Variants in THBS2 observed in about 807,000 individuals in gnomAD.
THBS2 encodes the protein thrombospondin 2.
In THBS2, 47 loss-of-function variants were observed where a neutral mutation model predicts 135.2. The observed-to-expected ratio is 0.35, with a 90% confidence interval of 0.28 to 0.44. The LOEUF (loss-of-function observed/expected upper bound fraction) is 0.44. THBS2 is among the 20% of genes least tolerant of loss of function. The probability of loss-of-function intolerance (pLI) is 1.00; values close to 1 mark genes in which losing one functional copy is unlikely to be tolerated. For synonymous variants in THBS2, 639 were observed against 633.8 expected (o/e 1.01, Z -0.12); for missense variants, 1,288 against 1,603.1 (o/e 0.80, Z 3.36).
chr6:169,248,401 T>C lies in THBS2; in HGVS notation c.609+16A>G, dbSNP rs1389034164. 1.9e-6 allele frequency: 3 copies of C among 1,588,112 alleles called. No individual in the cohort carries two copies. The highest frequency in any genetic ancestry group is 1.1e-5 in the South Asian group (1 of 89,132). On this transcript the variant is annotated intron_variant, in intron 3 of 21. Transcript: ENST00000617924. ...TCTTTCCTCCCTCACGGCGGCCACC[T>C]CCCTGCAGAGCGTACCCTGAAGTGA...
intron 17 of THBS2, 125 bp downstream of exon 17, chr6:169,225,020 G>T: frequency 1.1e-6 from 1 of 914,144 alleles, no homozygotes; most frequent in Non-Finnish European, 1.7e-6. Flanking sequence ...GCTTTAAGAG[G>T]CCCAAAGTCA....
In THBS2 at chr6:169,248,412, C is replaced by T. The variant is rs1300047524; in HGVS notation, c.609+5G>A. ...TCACGGCGGCCACCTCCCTGCAGAGCGTACCCTGAAGTGACTCTCTCTGGC... is the reference window on the plus strand; with the variant it reads ...TCACGGCGGCCACCTCCCTGCAGAGTGTACCCTGAAGTGACTCTCTCTGGC... On this transcript the variant is annotated splice_donor_5th_base_variant and intron_variant, in intron 3 of 21. Coordinates refer to ENST00000617924, the MANE Select transcript of THBS2 (RefSeq NM_003247.5). 1.3e-6 allele frequency: 2 copies of T among 1,596,992 alleles called. No homozygotes were observed. The highest frequency in any genetic ancestry group is 1.7e-6 in the Non-Finnish European group (2 of 1,167,838).
At chr6:169,229,800 T>C (rs951417794) in intron 13 of THBS2, 121 bp from the exon 14 acceptor site, 3 of 737,660 alleles carry the variant, frequency 4.1e-6, no homozygotes, top group Non-Finnish European at 6.7e-6. Context: ...CAGTCCTCGA[T>C]CTCAAGCGGG....
chr6:169,241,834 C>CA lies in THBS2; in HGVS notation c.818dup (p.Asn275LysfsTer26). On this transcript the variant is annotated frameshift_variant, in exon 5 of 22. Coordinates refer to ENST00000617924, the MANE Select transcript of THBS2 (RefSeq NM_003247.5). LOFTEE classifies it high-confidence loss of function. The surrounding 1 kb of genome is among the most constrained non-coding windows in gnomAD (Gnocchi z 5.5). ...CCGAGAGCTCCTGGACCATGTTTCC[C>CA]AGCTCCTCGCACGAGCGTTCGCACA... is the stretch of plus-strand genomic sequence containing the variant. The CA allele has an allele frequency of 6.2e-7, 1 of 1,612,792 alleles. No individual in the cohort carries two copies. Among genetic ancestry groups the CA allele is most frequent in the Non-Finnish European group, 8.5e-7 (1 of 1,179,960 alleles).
At chr6:169,245,513 C>T (rs1258771277) in intron 4 of THBS2, among the ~76,000 whole-genome samples, 1 of 151,396 alleles carries the variant, frequency 6.6e-6, no homozygotes, top group Admixed American at 6.6e-5. Flanking sequence ...AACTTCTAGG[C>T]CGGGCGTGGT....
At chr6:169,245,286 C>G (rs1201927158) in intron 4 of THBS2, among the ~76,000 whole-genome samples, 1 of 152,192 alleles carries the variant, frequency 6.6e-6, no homozygotes, top group Non-Finnish European at 1.5e-5. Context: ...AAGTGCCCAT[C>G]TCACGTAGTC....
At chr6:169,226,546 G>T (rs1260536521) in intron 15 of THBS2, among the ~76,000 whole-genome samples, 2 of 152,128 alleles carry the variant, frequency 1.3e-5, no homozygotes, top group African/African-American at 4.8e-5. Context: ...GAGATTTCTG[G>T]GTAATGTTGC....
chr6:169,243,459 G>A (rs781358470), intron 4 of THBS2, among the ~76,000 whole-genome samples: 17 of 152,232 alleles, frequency 1.1e-4, no homozygotes, highest in Non-Finnish European at 1.8e-4. Flanking sequence ...GACTTCTCTC[G>A]GACAGTCCAT....
Position 169,246,285 on chromosome 6 carries a change from T to TA in THBS2, c.610-5dup. 1.2e-6 allele frequency: 2 copies of TA among 1,612,772 alleles called. No homozygotes were observed. The highest frequency in any genetic ancestry group is 2.2e-5 in the South Asian group (2 of 91,044). On this transcript the variant is annotated splice_region_variant and splice_polypyrimidine_tract_variant and intron_variant, in intron 3 of 21. Transcript: ENST00000617924. Reference sequence around the variant, plus strand: ...GGTGGACGTTCTGAAGCAAACCCTGTAAGTATACACAAGCAGAAAAATAGA... The same window carrying TA: ...GGTGGACGTTCTGAAGCAAACCCTGTAAAGTATACACAAGCAGAAAAATAGA...
chr6:169,251,146 C>T (rs1003283017), intron 1 of THBS2, among the ~76,000 whole-genome samples: 4 of 152,164 alleles, frequency 2.6e-5, no homozygotes, highest in East Asian at 1.9e-4. Flanking sequence ...GCAAGTTCAG[C>T]GCTTGCCTGG....
At chr6:169,235,597 G>A (rs1438244912) in intron 9 of THBS2, among the ~76,000 whole-genome samples, 2 of 151,936 alleles carry the variant, frequency 1.3e-5, no homozygotes, top group Non-Finnish European at 2.9e-5. Flanking sequence ...GCAGGGAAAG[G>A]CTATTTCAGA....
At chr6:169,245,553 G>A (rs1780512296) in intron 4 of THBS2, among the ~76,000 whole-genome samples, 1 of 152,156 alleles carries the variant, frequency 6.6e-6, no homozygotes, top group Non-Finnish European at 1.5e-5. Flanking sequence ...AGCACTTTGG[G>A]AGGCCAAGGT....
chr6:169,218,359 TGATG>T lies in THBS2; in HGVS notation c.3512-534_3512-531del, dbSNP rs150572952. Among the ~76,000 whole-genome samples the T allele has an allele frequency of 5.5e-3, 722 of 132,076 alleles. 3 individuals carry two copies. Among genetic ancestry groups the T allele is most frequent in the African/African-American group, 0.02 (665 of 33,840 alleles). The allele number at this position is 132,076 out of a possible 152,430, so 86.6% of individuals were successfully genotyped here. ...AGATGAATGGGTGGATGAGATGAAT[TGATG>T]GATGGATGGATGAATGAGATAGGTG... On this transcript the variant is annotated intron_variant, in intron 21 of 21. Coordinates refer to ENST00000617924, the MANE Select transcript of THBS2 (RefSeq NM_003247.5).
At position 169,241,750 on chromosome 6, in the gene THBS2, G is replaced by A. The variant is rs762968432; in HGVS notation, c.891+12C>T. ...GCCCTATGACCCCCGCGGCCCCTGC[G>A]TGAGTACCCACCACTCTCTTGAGGT... is the stretch of plus-strand genomic sequence containing the variant. On this transcript the variant is annotated intron_variant, in intron 5 of 21. Coordinates refer to ENST00000617924, the MANE Select transcript of THBS2 (RefSeq NM_003247.5). This position sits in a 1 kb window ranked among gnomAD's most constrained non-coding sequence, Gnocchi z 5.5. 19 of 1,593,740 alleles carry A rather than the reference G, an allele frequency of 1.2e-5. No homozygotes were observed. The highest frequency in any genetic ancestry group is 5.5e-5 in the South Asian group (5 of 90,096).
At chr6:169,248,267 A>G in intron 3 of THBS2, 150 bp downstream of exon 3, 1 of 932,338 alleles carries the variant, frequency 1.1e-6, no homozygotes, top group South Asian at 1.6e-5. Flanking sequence ...GTGTGCACGC[A>G]TGTGTGTGAG....
At chr6:169,229,509 G>T in intron 14 of THBS2, 63 bp downstream of exon 14, 1 of 1,341,328 alleles carries the variant, frequency 7.5e-7, no homozygotes, top group Non-Finnish European at 1.1e-6. Flanking sequence ...GTATAAAGTG[G>T]CCTCCTGTGG....
rs776997414 is a variant in THBS2, at chr6:169,225,211, C to T, written c.2707G>A (p.Asp903Asn). The change falls in exon 17 of 22, where the codon GAT (aspartate) becomes AAT (asparagine). Residue 903 changes from aspartate (D) to asparagine (N), a missense_variant. By Grantham distance (23) the Asp-to-Asn change is conservative (BLOSUM62 1). Coordinates refer to ENST00000617924, the MANE Select transcript of THBS2 (RefSeq NM_003247.5). ...GDACDPDDDN[D>N]GVPDDRDNCR... ...TTGTCCCTGTCATCGGGGACGCCAT[C>T]GTTGTCATCATCAGGGTCACAGGCG... 1.9e-6 allele frequency: 3 copies of T among 1,614,078 alleles called. No individual in the cohort carries two copies. Among genetic ancestry groups the T allele is most frequent in the South Asian group, 1.1e-5 (1 of 91,080 alleles).
chr6:169,237,510 T>G lies in THBS2; in HGVS notation c.1300+115A>C, dbSNP rs1031933193. 1.1e-5 allele frequency: 17 copies of G among 1,537,524 alleles called. 1 individual carries two copies. In the Admixed American group the frequency reaches 2.5e-4, roughly 23 times the overall value. On this transcript the variant is annotated intron_variant, in intron 8 of 21. Coordinates refer to ENST00000617924, the MANE Select transcript of THBS2 (RefSeq NM_003247.5). ...AAGAGCCTCACCTGGCTAGAATCCT[T>G]GCAAAGGCCCAGCACCTCGTGAGGG...
chr6:169,226,679 G>T (rs1779642207), intron 15 of THBS2, among the ~76,000 whole-genome samples: 1 of 152,182 alleles, frequency 6.6e-6, no homozygotes, highest in Non-Finnish European at 1.5e-5. Flanking sequence ...CCATGCACAT[G>T]AGTAGGAAAA....
Sources: gnomAD v4.1 joint callset for allele counts (sites outside exome capture counted in the v4.1 genomes callset) on GRCh38, gnomAD v4.1.1 for gene constraint, Gnocchi (gnomAD v3.1) non-coding constraint, MANE v1.5 for transcripts, NCBI Gene and HGNC (gene_info 2026-07-23, HGNC 2026-07-21) for gene names.